The following PUM2 variants were observed in gnomAD, a reference collection of about 807,000 sequenced individuals.
The protein encoded by PUM2 is pumilio RNA binding family member 2.
In PUM2, 57 loss-of-function variants were observed where a neutral mutation model predicts 124.5. That is an observed-to-expected ratio of 0.46 (90% CI 0.37 to 0.57). PUM2 has a LOEUF of 0.57. PUM2 is among the 20% of genes least tolerant of loss of function. The probability of loss-of-function intolerance (pLI) is 0.00; values close to 1 mark genes in which losing one functional copy is unlikely to be tolerated. For missense variants in PUM2, 1,065 were observed against 1,290.6 expected (o/e 0.83, Z 2.68); for synonymous variants, 460 against 446.1 (o/e 1.03, Z -0.39).
intron 1 of PUM2, among the ~76,000 whole-genome samples, chr2:20,336,675 G>A (rs1686098052): frequency 8.9e-6 from 1 of 112,978 alleles, no homozygotes. Flanking sequence ...ACCAGGCCTG[G>A]CTAATTTGTG....
chr2:20,341,418 T>A (rs1284041587), intron 1 of PUM2, among the ~76,000 whole-genome samples: 2 of 152,168 alleles, frequency 1.3e-5, no homozygotes, highest in African/African-American at 4.8e-5. Flanking sequence ...ATGTCCATGA[T>A]ATTAAGTAAA....
chr2:20,298,631 G>A (rs1410257640), intron 7 of PUM2, among the ~76,000 whole-genome samples: 1 of 152,120 alleles, frequency 6.6e-6, no homozygotes, highest in East Asian at 1.9e-4. Context: ...CACTTTGGGA[G>A]GCCGAGGCAG....
chr2:20,335,056 T>A (rs984752448), intron 1 of PUM2, among the ~76,000 whole-genome samples: 7 of 152,120 alleles, frequency 4.6e-5, no homozygotes, highest in Admixed American at 1.3e-4. Flanking sequence ...CGGGAGTATC[T>A]GGGACTAAAG....
In PUM2 at chr2:20,290,690, G is replaced by C; in HGVS notation, c.1253C>G (p.Thr418Arg). Residue 418 changes from threonine (T) to arginine (R), a missense_variant, in exon 10 of 21, where the codon ACA becomes AGA. Physicochemically the swap from Thr to Arg is moderately conservative, Grantham distance 71 (BLOSUM62 -1). Transcript: ENST00000361078. ...AGCAAGACCCTGACCAAAAGCCAAT[G>C]TTGGATTTGCTGCTGCAGCTGCCGC... ...SLAAAAAANP[T>R]LAFGQGLATG... is the part of the protein sequence containing the mutation. 1.2e-6 allele frequency: 2 copies of C among 1,613,134 alleles called. No individual in the cohort carries two copies. Among genetic ancestry groups the C allele is most frequent in the Non-Finnish European group, 1.7e-6 (2 of 1,179,784 alleles).
At chr2:20,329,513 C>T (rs374132035) in intron 1 of PUM2, among the ~76,000 whole-genome samples, 13 of 151,200 alleles carry the variant, frequency 8.6e-5, no homozygotes, top group East Asian at 5.8e-4. Flanking sequence ...ACAGACTGGA[C>T]GGTCTTGGGT....
In PUM2 at chr2:20,308,342, C is replaced by T. The variant is rs780478150; in HGVS notation, c.761G>A (p.Gly254Asp). Reference sequence around the variant, plus strand: ...CTGCTGGGAATTGTAGTCAAAAAGGCCTACAGTAGCTCCTGAAGAGTCCAT... The same window carrying T: ...CTGCTGGGAATTGTAGTCAAAAAGGTCTACAGTAGCTCCTGAAGAGTCCAT... ...VPMDSSGATV[G>D]LFDYNSQQQL... Residue 254 changes from glycine (G) to aspartate (D), a missense_variant, in exon 6 of 21, where the codon GGC becomes GAC. Coordinates refer to ENST00000361078, the MANE Select transcript of PUM2 (RefSeq NM_015317.5). The T allele has an allele frequency of 6.2e-6, 10 of 1,613,852 alleles. No homozygotes were observed. The highest frequency in any genetic ancestry group is 8.5e-7 in the Non-Finnish European group (1 of 1,179,818).
chr2:20,318,187 C>A (rs980172473), intron 3 of PUM2, among the ~76,000 whole-genome samples: 7 of 152,176 alleles, frequency 4.6e-5, no homozygotes, highest in African/African-American at 1.7e-4. Context: ...ACCACAACCT[C>A]ACCAGCATCT....
rs1164652008 is a variant in PUM2 at position 20,263,362 on chromosome 2, T to C, written c.2056A>G (p.Ser686Gly). ...CGGGAAGGAGGAAAGAGCTGGCTGC[T>C]GGAGCTAAATAGACTGGAAGTGCTT... ...ASSTSSLFSS[S>G]SQLFPPSRLR... The change falls in exon 14 of 21, where the codon AGC becomes GGC. Residue 686 changes from serine to glycine, a missense_variant. Transcript: ENST00000361078. 6.2e-7 allele frequency: 1 copy of C among 1,614,092 alleles called. No homozygotes were observed. Among genetic ancestry groups the C allele is most frequent in the African/African-American group, 1.3e-5 (1 of 74,952 alleles).
intron 7 of PUM2, among the ~76,000 whole-genome samples, chr2:20,306,851 C>A (rs556843717): frequency 2.0e-5 from 3 of 151,900 alleles, no homozygotes; most frequent in African/African-American, 7.2e-5. Context: ...AGGTGATCCA[C>A]CTGCCTCAGC....
At chr2:20,263,858 CATT>C (rs1317956130) in intron 13 of PUM2, among the ~76,000 whole-genome samples, 1 of 151,998 alleles carries the variant, frequency 6.6e-6, no homozygotes, top group Non-Finnish European at 1.5e-5. Context: ...AATTCATTAG[CATT>C]ATTAACACAA....
rs763759646 is a variant in PUM2 at position 20,297,506 on chromosome 2, A to G, written c.1009+47T>C. On this transcript the variant is annotated intron_variant, in intron 8 of 20. Transcript: ENST00000361078. The stretch of plus-strand genomic sequence containing the variant: ...AAATAAAGCTTACACCCAAAACTAA[A>G]TACATTAAAAAGCAACCATAATAAA... 4.1e-6 allele frequency: 6 copies of G among 1,452,526 alleles called. No individual in the cohort carries two copies. The South Asian group carries it at 8.6e-5, about 21-fold the overall frequency. The allele number at this position is 1,452,526 out of a possible 1,614,324, so 90.0% of individuals were successfully genotyped here. A position where few individuals can be genotyped will look rare whatever the true frequency, so the allele number is the denominator to read the frequency against.
In PUM2 at chr2:20,329,095, T is replaced by C. The variant is rs907709819; in HGVS notation, c.-18-1717A>G. Among the ~76,000 whole-genome samples, 10 of 146,420 alleles carry C rather than the reference T, an allele frequency of 6.8e-5. No individual in the cohort carries two copies. In the Admixed American group the frequency reaches 7.0e-4, roughly 10 times the overall value. Reference sequence around the variant, plus strand: ...CTGAGGTGGGAATATCACTTGAGCCTGGAAGGTCAAGGCTACAGCAGTAAA... The same window carrying C: ...CTGAGGTGGGAATATCACTTGAGCCCGGAAGGTCAAGGCTACAGCAGTAAA... On this transcript the variant is annotated intron_variant, in intron 1 of 20. Coordinates refer to ENST00000361078, the MANE Select transcript of PUM2 (RefSeq NM_015317.5).
intron 12 of PUM2, among the ~76,000 whole-genome samples, chr2:20,280,461 A>G (rs1464977799): frequency 6.6e-6 from 1 of 152,136 alleles, no homozygotes; most frequent in East Asian, 1.9e-4. Context: ...GGACACTGTC[A>G]AAGTGATTTT....
At chr2:20,323,483 C>T (rs904882397) in intron 2 of PUM2, among the ~76,000 whole-genome samples, 1 of 151,048 alleles carries the variant, frequency 6.6e-6, no homozygotes, top group Non-Finnish European at 1.5e-5. Context: ...ATATAGTACA[C>T]AGCAGACACA....
intron 7 of PUM2, among the ~76,000 whole-genome samples, chr2:20,297,949 G>C (rs574803521): frequency 6.6e-6 from 1 of 152,180 alleles, no homozygotes; most frequent in East Asian, 1.9e-4. Flanking sequence ...GTATGTTATA[G>C]AAAATAAAAA....
intron 14 of PUM2, among the ~76,000 whole-genome samples, chr2:20,262,419 C>T (rs559782464): frequency 3.3e-5 from 5 of 152,348 alleles, no homozygotes; most frequent in African/African-American, 1.2e-4. Flanking sequence ...AGTACAGTGA[C>T]ATGCTGTACA....
intron 2 of PUM2, among the ~76,000 whole-genome samples, chr2:20,325,845 T>A (rs1375527224): frequency 3.3e-5 from 5 of 152,132 alleles, no homozygotes; most frequent in African/African-American, 1.2e-4. Flanking sequence ...ATGGTCTCTA[T>A]CTCCTGACCT....
Position 20,290,731 on chromosome 2 carries a change from C to A in PUM2, c.1212G>T (p.Gln404His). 7.4e-6 allele frequency: 12 copies of A among 1,613,616 alleles called. No homozygotes were observed. Among genetic ancestry groups the A allele is most frequent in the Non-Finnish European group, 1.0e-5 (12 of 1,179,892 alleles). ...CAGCTGCCGCAAGTGATTCTGCTTG[C>A]TGCCCTTGCTGACCCTGATTGGGAG... ...PLTPNQGQQG[Q>H]QAESLAAAAA... Residue 404 changes from glutamine to histidine, a missense_variant, in exon 10 of 21, where the codon CAG becomes CAT. Physicochemically the swap from Gln to His is conservative, Grantham distance 24 (BLOSUM62 0). Transcript: ENST00000361078.
At position 20,311,487 on chromosome 2, in the gene PUM2, A is replaced by G. The variant is rs369654999; in HGVS notation, c.518+7T>C. On this transcript the variant is annotated splice_region_variant and intron_variant, in intron 5 of 20. Coordinates refer to ENST00000361078, the MANE Select transcript of PUM2 (RefSeq NM_015317.5). Reference sequence around the variant, plus strand: ...CGCTTTTCTTCTTGAGAAAGTTAAAATCTTACTTAAAATCTTTGCAATCGG... The same window carrying G: ...CGCTTTTCTTCTTGAGAAAGTTAAAGTCTTACTTAAAATCTTTGCAATCGG... 1.2e-6 allele frequency: 2 copies of G among 1,601,082 alleles called. No homozygotes were observed. Among genetic ancestry groups the G allele is most frequent in the African/African-American group, 2.7e-5 (2 of 74,024 alleles).
Sources: gnomAD v4.1 joint callset for allele counts (sites outside exome capture counted in the v4.1 genomes callset) on GRCh38, gnomAD v4.1.1 for gene constraint, MANE v1.5 for transcripts, NCBI Gene and HGNC (gene_info 2026-07-23, HGNC 2026-07-21) for gene names.